Variants in DLC1 observed in about 807,000 individuals in gnomAD.
DLC1 encodes the protein rho GTPase-activating protein 7.
Under a neutral mutation model 140.3 loss-of-function variants are expected in DLC1, and 54 were observed. The observed-to-expected ratio is 0.38, with a 90% CI of 0.31 to 0.48. DLC1 has a LOEUF of 0.48. Ranked by LOEUF, DLC1 falls within the 20% of genes least tolerant of loss-of-function variation. DLC1 has a pLI of 0.96. For missense variants in DLC1, 2,536 were observed against 1,907.0 expected, an observed-to-expected ratio of 1.33 and a Z score of -6.14; for synonymous variants, 986 against 728.1, an observed-to-expected ratio of 1.35 and a Z score of -5.70.
chr8:13,092,637 G>A lies in DLC1; in HGVS notation c.3715C>T (p.Leu1239=). The A allele has an allele frequency of 6.2e-7, 1 of 1,614,184 alleles. No individual in the cohort carries two copies. The highest frequency in any genetic ancestry group is 8.5e-7 in the Non-Finnish European group (1 of 1,180,044). ...CTGGGAGAGGAATTCTCTCTCTTCAGGGTGTTGAGATGGAAGAGGGAAGGC... is the reference window on the plus strand; with the variant it reads ...CTGGGAGAGGAATTCTCTCTCTTCAAGGTGTTGAGATGGAAGAGGGAAGGC... ...LAPSLFHLNT[L]KRENSSPRVM... The change falls in exon 13 of 18, where the codon CTG becomes TTG. Residue 1239 remains leucine (L), a synonymous_variant. Coordinates refer to ENST00000276297, the MANE Select transcript of DLC1 (RefSeq NM_182643.3).
intron 4 of DLC1, among the ~76,000 whole-genome samples, chr8:13,364,619 C>T (rs1288930599): frequency 6.6e-6 from 1 of 152,096 alleles, no homozygotes; most frequent in Non-Finnish European, 1.5e-5. Context: ...CTTCTATCTC[C>T]CCTTTTGTTT....
chr8:13,163,506 G>T (rs937580096), intron 5 of DLC1, among the ~76,000 whole-genome samples: 1 of 152,152 alleles, frequency 6.6e-6, no homozygotes, highest in African/African-American at 2.4e-5. Flanking sequence ...GCTCAACGAA[G>T]TGCCTGTGAC....
In DLC1 at chr8:13,148,933, C is replaced by T. The variant is rs183831318; in HGVS notation, c.1349-33276G>A. 2.4e-3 allele frequency among the ~76,000 whole-genome samples: 358 copies of T among 152,224 alleles called. 3 individuals carry two copies. Among genetic ancestry groups the T allele is most frequent in the African/African-American group, 8.3e-3 (343 of 41,542 alleles). On this transcript the variant is annotated intron_variant, in intron 5 of 17. Transcript: ENST00000276297. ...TCAGCCTGCCGAGTAGCTGGGACTACAGCTGCCCGTCACCACGCCCGGCTA... is the reference window on the plus strand; with the variant it reads ...TCAGCCTGCCGAGTAGCTGGGACTATAGCTGCCCGTCACCACGCCCGGCTA...
At chr8:13,376,682 T>C (rs1836006596) in intron 4 of DLC1, among the ~76,000 whole-genome samples, 1 of 152,180 alleles carries the variant, frequency 6.6e-6, no homozygotes, top group Non-Finnish European at 1.5e-5. Flanking sequence ...TCAGTATAGT[T>C]TGTGTCTTTC....
chr8:13,461,939 A>G (rs962973616), intron 2 of DLC1, among the ~76,000 whole-genome samples: 3 of 152,156 alleles, frequency 2.0e-5, no homozygotes, highest in African/African-American at 2.4e-5. Context: ...TTAGTGAGGT[A>G]TTTATCTCTG....
intron 1 of DLC1, among the ~76,000 whole-genome samples, chr8:13,568,822 A>G (rs537571547): frequency 2.7e-4 from 41 of 152,360 alleles, no homozygotes; most frequent in African/African-American, 9.4e-4. Flanking sequence ...TGTATTGGGC[A>G]CTGCTGACCT....
At chr8:13,303,456 A>G (rs1435241247) in intron 5 of DLC1, among the ~76,000 whole-genome samples, 2 of 152,214 alleles carry the variant, frequency 1.3e-5, no homozygotes, top group African/African-American at 4.8e-5. Flanking sequence ...TTCCAGGATT[A>G]TGACAAAAAG....
At position 13,499,360 on chromosome 8, in the gene DLC1, G is replaced by C. The variant is rs1209537587; in HGVS notation, c.712C>G (p.Pro238Ala). The change falls in exon 2 of 18, where the codon CCT (proline) becomes GCT (alanine). Residue 238 changes from proline (P) to alanine (A), a missense_variant. Physicochemically the swap from Pro to Ala is conservative, Grantham distance 27. Transcript: ENST00000276297. ...SAVIAQQRRK[P>A]DPPKDENERS... Reference sequence around the variant, plus strand: ...TCATTTTCATCTTTAGGGGGGTCAGGTTTCCTTCGTTGCTGAGCAATTACA... The same window carrying C: ...TCATTTTCATCTTTAGGGGGGTCAGCTTTCCTTCGTTGCTGAGCAATTACA... The C allele has an allele frequency of 6.2e-7, 1 of 1,613,944 alleles. No homozygotes were observed. The highest frequency in any genetic ancestry group is 1.7e-5 in the Admixed American group (1 of 59,980).
intron 5 of DLC1, among the ~76,000 whole-genome samples, chr8:13,227,836 T>TA (rs1436164793): frequency 6.6e-6 from 1 of 152,188 alleles, no homozygotes; most frequent in Non-Finnish European, 1.5e-5. Context: ...AATAAAGTGT[T>TA]AAAAAATCAA....
intron 4 of DLC1, among the ~76,000 whole-genome samples, chr8:13,351,342 G>A (rs1281553028): frequency 6.6e-6 from 1 of 152,190 alleles, no homozygotes; most frequent in Non-Finnish European, 1.5e-5. Flanking sequence ...AAACAGTTGG[G>A]ATTCAGTCCG....
rs372698964 is a variant in DLC1, at chr8:13,100,345, C to T, written c.1992G>A (p.Thr664=). 4 of 1,614,072 alleles carry T rather than the reference C, an allele frequency of 2.5e-6. No individual in the cohort carries two copies. In the African/African-American group the frequency reaches 5.3e-5, roughly 22 times the overall value. The part of the protein sequence containing the change: ...KGHEKTAKSK[T]RSLLKRMESL... ...TCTCCATCCGTTTCAGCAGACTGCGCGTCTTGGACTTGGCAGTTTTTTCGT... is the reference window on the plus strand; with the variant it reads ...TCTCCATCCGTTTCAGCAGACTGCGTGTCTTGGACTTGGCAGTTTTTTCGT... The change falls in exon 9 of 18, where the codon ACG becomes ACA. Residue 664 remains threonine (T), a synonymous_variant. Transcript: ENST00000276297.
chr8:13,175,750 AT>A (rs1042510316), intron 5 of DLC1, among the ~76,000 whole-genome samples: 1 of 152,138 alleles, frequency 6.6e-6, no homozygotes, highest in Admixed American at 6.6e-5. Flanking sequence ...TTGGTAGATA[AT>A]TCTATGACAT....
At chr8:13,213,823 G>A (rs1828061450) in intron 5 of DLC1, among the ~76,000 whole-genome samples, 1 of 148,842 alleles carries the variant, frequency 6.7e-6, no homozygotes, top group South Asian at 2.2e-4. Flanking sequence ...TCCCTCTGTT[G>A]CCCAGCCTGG....
At chr8:13,228,775 G>A (rs1054566128) in intron 5 of DLC1, among the ~76,000 whole-genome samples, 2 of 152,078 alleles carry the variant, frequency 1.3e-5, no homozygotes, top group Admixed American at 1.3e-4. Flanking sequence ...CAAAGGATCC[G>A]GATAGACATT....
At chr8:13,113,851 C>T (rs540935516) in intron 6 of DLC1, among the ~76,000 whole-genome samples, 2 of 152,296 alleles carry the variant, frequency 1.3e-5, no homozygotes, top group South Asian at 2.1e-4. Flanking sequence ...ATATTTTACA[C>T]GGTCTAACAA....
chr8:13,100,943 G>C, intron 8 of DLC1, 173 bp from the exon 9 acceptor site: 1 of 673,490 alleles, frequency 1.5e-6, no homozygotes, highest in Admixed American at 4.3e-5. Context: ...GTCTCACTCT[G>C]TTGTACAGGC....
At chr8:13,169,902 G>C (rs1404730476) in intron 5 of DLC1, among the ~76,000 whole-genome samples, 1 of 151,574 alleles carries the variant, frequency 6.6e-6, no homozygotes, top group African/African-American at 2.4e-5. Context: ...TGTAGTTCCA[G>C]TTAGCTACTG....
intron 5 of DLC1, among the ~76,000 whole-genome samples, chr8:13,192,177 C>A (rs1826795315): frequency 6.6e-6 from 1 of 151,982 alleles, no homozygotes; most frequent in Admixed American, 6.6e-5. Context: ...TCTCGAACTC[C>A]TGACCTCAGG....
chr8:13,093,187 A>C (rs1048405179), intron 12 of DLC1, among the ~76,000 whole-genome samples: 7 of 152,200 alleles, frequency 4.6e-5, no homozygotes, highest in African/African-American at 1.7e-4. Flanking sequence ...TCAATTACTG[A>C]AAACACTATA....
Sources: gnomAD v4.1 joint callset for allele counts (sites outside exome capture counted in the v4.1 genomes callset) on GRCh38, gnomAD v4.1.1 for gene constraint, MANE v1.5 for transcripts, NCBI Gene and HGNC (gene_info 2026-07-23, HGNC 2026-07-21) for gene names.